The following DOCK4 variants were observed in gnomAD, a reference collection of about 807,000 sequenced individuals.
DOCK4 encodes the protein dedicator of cytokinesis 4.
In DOCK4, 97 loss-of-function variants were observed where a neutral mutation model predicts 268.1. The ratio of observed to expected loss-of-function variants is 0.36; its 90% confidence interval spans 0.31 to 0.43. DOCK4 has a LOEUF of 0.43. Among genes scored for constraint, DOCK4 ranks in the 20% least tolerant of loss-of-function variants. DOCK4 has a pLI of 1.00. For missense variants in DOCK4, 2,145 were observed against 2,455.7 expected, an observed-to-expected ratio of 0.87 and a Z score of 2.67; for synonymous variants, 954 against 887.2, an observed-to-expected ratio of 1.08 and a Z score of -1.34.
chr7:111,767,147 ACCATCTGACAATATCCACTTACTTCTAC>A (rs1797812380), intron 37 of DOCK4, 29 bp from the exon 38 acceptor site: 1 of 1,586,204 alleles, frequency 6.3e-7, no homozygotes, highest in Non-Finnish European at 8.6e-7. Context: ...GATCAATGGA[ACCATCTGACAATATCCACTTACTTCTAC>A]CCAAAAGTCA....
chr7:112,047,106 T>C (rs779043889), intron 1 of DOCK4, among the ~76,000 whole-genome samples: 1 of 152,152 alleles, frequency 6.6e-6, no homozygotes, highest in Non-Finnish European at 1.5e-5. Flanking sequence ...TTAGTCAGAC[T>C]AGAAAACCTC....
At chr7:111,821,181 T>A (rs1801947061) in intron 27 of DOCK4, 1 of 152,192 alleles carries the variant, frequency 6.6e-6, no homozygotes, top group Non-Finnish European at 1.5e-5. Context: ...AGAAGCCATA[T>A]TGAGCATATA....
intron 49 of DOCK4, among the ~76,000 whole-genome samples, chr7:111,738,836 G>A (rs946116566): frequency 6.6e-6 from 1 of 152,138 alleles, no homozygotes; most frequent in Non-Finnish European, 1.5e-5. Flanking sequence ...TACTCGGGAG[G>A]CTGAGACAGG....
intron 1 of DOCK4, among the ~76,000 whole-genome samples, chr7:112,195,197 T>A (rs542112143): frequency 1.3e-5 from 2 of 152,286 alleles, no homozygotes; most frequent in South Asian, 4.1e-4. Context: ...GAGAATCACC[T>A]GAACCTGGGA....
At chr7:111,832,338 A>C (rs1802892219) in intron 26 of DOCK4, among the ~76,000 whole-genome samples, 1 of 152,108 alleles carries the variant, frequency 6.6e-6, no homozygotes, top group Non-Finnish European at 1.5e-5. Context: ...TACCCTGAAC[A>C]TTCACCACTC....
chr7:112,082,155 G>C (rs1490333345), intron 1 of DOCK4, among the ~76,000 whole-genome samples: 2 of 152,184 alleles, frequency 1.3e-5, no homozygotes, highest in Non-Finnish European at 2.9e-5. Flanking sequence ...AGAGGGAACA[G>C]TAGTAATGAA....
At chr7:111,836,832 A>T (rs957053720) in intron 25 of DOCK4, among the ~76,000 whole-genome samples, 2 of 152,108 alleles carry the variant, frequency 1.3e-5, no homozygotes, top group Non-Finnish European at 2.9e-5. Flanking sequence ...CTCCAAAATA[A>T]AGCATAGACA....
intron 1 of DOCK4, among the ~76,000 whole-genome samples, chr7:112,012,813 A>G (rs1157974855): frequency 6.6e-6 from 1 of 152,172 alleles, no homozygotes; most frequent in Non-Finnish European, 1.5e-5. Context: ...GAGAAAAGAA[A>G]TGTTATATCC....
At chr7:111,892,154 A>G (rs1743362072) in intron 16 of DOCK4, among the ~76,000 whole-genome samples, 2 of 152,196 alleles carry the variant, frequency 1.3e-5, no homozygotes, top group Admixed American at 1.3e-4. Context: ...CCTGTAGATT[A>G]TAAGAATGTT....
intron 23 of DOCK4, among the ~76,000 whole-genome samples, chr7:111,859,993 T>G (rs1000685376): frequency 6.6e-6 from 1 of 152,224 alleles, no homozygotes; most frequent in Non-Finnish European, 1.5e-5. Context: ...ATTGTCCCTC[T>G]TCTTTCCCCT....
At chr7:111,739,001 A>G in intron 49 of DOCK4, 133 bp downstream of exon 49, 1 of 680,380 alleles carries the variant, frequency 1.5e-6, no homozygotes, top group Non-Finnish European at 2.5e-6. Context: ...CAGAGGTGCA[A>G]TCTTCACCAG....
chr7:112,051,287 CAG>C lies in DOCK4; in HGVS notation c.38-47158_38-47157del, dbSNP rs1218365362. On this transcript the variant is annotated intron_variant, in intron 1 of 52. Transcript: ENST00000428084. ...TGGGGTGGAGGGTTAAAAACTCTCTCAGAGGATGAGGATGAGGTAGGACACTT... is the reference window on the plus strand; with the variant it reads ...TGGGGTGGAGGGTTAAAAACTCTCTCAGGATGAGGATGAGGTAGGACACTT... Among the ~76,000 whole-genome samples the C allele has an allele frequency of 6.6e-5, 10 of 152,042 alleles. No individual in the cohort carries two copies. The East Asian group carries it at 1.9e-3, about 29-fold the overall frequency.
At chr7:112,141,476 C>T (rs1273334351) in intron 1 of DOCK4, among the ~76,000 whole-genome samples, 2 of 152,246 alleles carry the variant, frequency 1.3e-5, no homozygotes, top group East Asian at 3.9e-4. Context: ...CGTGAGTGGG[C>T]CTCATCCAAT....
intron 26 of DOCK4, among the ~76,000 whole-genome samples, chr7:111,832,771 C>T (rs1186355634): frequency 2.6e-5 from 4 of 152,186 alleles, no homozygotes; most frequent in Non-Finnish European, 2.9e-5. Flanking sequence ...CCACCCACCT[C>T]GGCCTCCCAA....
At chr7:112,003,973 A>T in intron 2 of DOCK4, 75 bp downstream of exon 2, 2 of 1,142,904 alleles carry the variant, frequency 1.7e-6, no homozygotes, top group Non-Finnish European at 2.5e-6. Flanking sequence ...TCCAGAGATT[A>T]ATAGCGGTAT....
chr7:111,796,358 TA>T (rs1799895630), intron 30 of DOCK4, among the ~76,000 whole-genome samples: 1 of 152,284 alleles, frequency 6.6e-6, no homozygotes, highest in Admixed American at 6.5e-5. Flanking sequence ...AAACATAACT[TA>T]ATTGTTTCTC....
At chr7:111,800,613 A>G (rs1367063037) in intron 30 of DOCK4, among the ~76,000 whole-genome samples, 1 of 152,174 alleles carries the variant, frequency 6.6e-6, no homozygotes, top group Non-Finnish European at 1.5e-5. Flanking sequence ...GACCCCCACT[A>G]ATGGTGGTAA....
chr7:111,908,572 T>A (rs1439920236), intron 13 of DOCK4, among the ~76,000 whole-genome samples: 2 of 152,182 alleles, frequency 1.3e-5, no homozygotes, highest in Non-Finnish European at 2.9e-5. Context: ...GGGATGCATG[T>A]ACAGAACATG....
At chr7:111,955,890 A>C (rs1796412886) in intron 8 of DOCK4, among the ~76,000 whole-genome samples, 1 of 152,210 alleles carries the variant, frequency 6.6e-6, no homozygotes, top group Non-Finnish European at 1.5e-5. Flanking sequence ...GTTCGTTTCA[A>C]GTAAAATCCT....
Sources: gnomAD v4.1 joint callset for allele counts (sites outside exome capture counted in the v4.1 genomes callset) on GRCh38, gnomAD v4.1.1 for gene constraint, MANE v1.5 for transcripts, NCBI Gene and HGNC (gene_info 2026-07-23, HGNC 2026-07-21) for gene names.